CDC14B: variants seen among roughly 807,000 people sequenced by gnomAD.
The protein encoded by CDC14B is cell division cycle 14B, also known as dual specificity protein phosphatase CDC14B.
A neutral mutation model predicts 64.2 loss-of-function variants in CDC14B; 22 were observed. The ratio of observed to expected loss-of-function variants is 0.34; its 90% CI spans 0.24 to 0.49. CDC14B has a LOEUF of 0.49. Ranked by LOEUF, CDC14B falls within the 20% of genes least tolerant of loss-of-function variation. The pLI, the probability that CDC14B is intolerant of heterozygous loss-of-function variation, is 0.99. For synonymous variants in CDC14B, 191 were observed against 215.8 expected, an observed-to-expected ratio of 0.89 and a Z score of 1.01; for missense variants, 498 against 629.9, an observed-to-expected ratio of 0.79 and a Z score of 2.24.
chr9:96,503,944 A>G (rs1833783904), intron 13 of CDC14B, among the ~76,000 whole-genome samples, 155 bp from the exon 14 acceptor site: 2 of 152,226 alleles, frequency 1.3e-5, no homozygotes, highest in African/African-American at 4.8e-5. Flanking sequence ...TGGAGAAGAC[A>G]ACACAATATC....
intron 12 of CDC14B, among the ~76,000 whole-genome samples, chr9:96,521,801 A>G (rs997948426): frequency 6.6e-6 from 1 of 152,246 alleles, no homozygotes; most frequent in Non-Finnish European, 1.5e-5. Flanking sequence ...GGAAGTAACT[A>G]GAAGGAAGAA....
chr9:96,551,759 T>A (rs1587933084), intron 5 of CDC14B, 37 bp downstream of exon 5: 1 of 1,595,052 alleles, frequency 6.3e-7, no homozygotes, highest in East Asian at 2.2e-5. Flanking sequence ...GGCAAGGATC[T>A]GATTACCTGA....
intron 1 of CDC14B, among the ~76,000 whole-genome samples, chr9:96,568,025 T>C (rs966935341): frequency 6.6e-6 from 1 of 152,162 alleles, no homozygotes; most frequent in Admixed American, 6.5e-5. Flanking sequence ...GTGAAAAAAA[T>C]TGAAATCCCA....
chr9:96,584,537 A>G (rs1199855686), intron 1 of CDC14B, among the ~76,000 whole-genome samples: 2 of 152,172 alleles, frequency 1.3e-5, no homozygotes, highest in Non-Finnish European at 2.9e-5. Flanking sequence ...TAAGCCAAGA[A>G]CTCTGATAGG....
At chr9:96,527,271 C>T (rs1400480303) in intron 9 of CDC14B, among the ~76,000 whole-genome samples, 3 of 152,026 alleles carry the variant, frequency 2.0e-5, no homozygotes, top group East Asian at 3.9e-4. Context: ...CGGTGGCGGG[C>T]GCCTGTAGTC....
chr9:96,498,541 A>C (rs1342151311), downstream of CDC14B, among the ~76,000 whole-genome samples: 1 of 152,236 alleles, frequency 6.6e-6, no homozygotes, highest in African/African-American at 2.4e-5. Flanking sequence ...ACTTCAAGGC[A>C]AAATAGTTTA....
rs187623129 is a variant in CDC14B, at chr9:96,611,566, T to C, written c.160+7653A>G. 5.5e-3 allele frequency among the ~76,000 whole-genome samples: 840 copies of C among 152,312 alleles called. 6 individuals carry two copies. Among genetic ancestry groups the C allele is most frequent in the South Asian group, 8.7e-3 (42 of 4,830 alleles). On this transcript the variant is annotated intron_variant, in intron 1 of 13. Coordinates refer to ENST00000375241, the MANE Select transcript of CDC14B (RefSeq NM_033331.4). ...TTATACAAATATTCAGTAGCTAAGA[T>C]GGGAAGGAAAACAAAAAATACTGGC...
At chr9:96,520,609 CCT>C (rs1233192640) in intron 12 of CDC14B, among the ~76,000 whole-genome samples, 1 of 152,160 alleles carries the variant, frequency 6.6e-6, no homozygotes, top group Non-Finnish European at 1.5e-5. Flanking sequence ...ATTTGTATCC[CCT>C]GACTCTCAAC....
intron 1 of CDC14B, among the ~76,000 whole-genome samples, chr9:96,603,821 G>A (rs1441918654): frequency 6.6e-6 from 1 of 152,132 alleles, no homozygotes; most frequent in Non-Finnish European, 1.5e-5. Context: ...AAAAGGTACC[G>A]ATAGTAAACA....
chr9:96,560,582 CTCTTT>C (rs1843017171), intron 4 of CDC14B, among the ~76,000 whole-genome samples: 2 of 127,690 alleles, frequency 1.6e-5, no homozygotes, highest in Admixed American at 7.9e-5. Flanking sequence ...TTTTCTCTTT[CTCTTT>C]TTTTTTTTTT....
intron 1 of CDC14B, among the ~76,000 whole-genome samples, chr9:96,584,003 C>A (rs1371086377): frequency 6.6e-6 from 1 of 152,158 alleles, no homozygotes; most frequent in Non-Finnish European, 1.5e-5. Flanking sequence ...CAGGCATGAG[C>A]CACCGCGCCT....
Position 96,539,097 on chromosome 9 carries a change from T to C in CDC14B, c.608A>G (p.Asp203Gly). Reference sequence around the variant, plus strand: ...ACTTACTTCATAGTGTTCATATTCATCAAGGTTAAATGAGTTGAAATTAAG... The same window carrying C: ...ACTTACTTCATAGTGTTCATATTCACCAAGGTTAAATGAGTTGAAATTAAG... Reference protein sequence around the residue: ...GFLNFNSFNLDEYEHYEKAEN... With the variant: ...GFLNFNSFNLGEYEHYEKAEN... The change falls in exon 7 of 14, where the codon GAT becomes GGT. Residue 203 changes from aspartate to glycine, a missense_variant. By Grantham distance (94) the Asp-to-Gly change is moderately conservative (BLOSUM62 -1). Coordinates refer to ENST00000375241, the MANE Select transcript of CDC14B (RefSeq NM_033331.4). 6.2e-7 allele frequency: 1 copy of C among 1,609,428 alleles called. No homozygotes were observed. The highest frequency in any genetic ancestry group is 8.5e-7 in the Non-Finnish European group (1 of 1,175,910).
intron 4 of CDC14B, among the ~76,000 whole-genome samples, chr9:96,560,215 T>C (rs983634652): frequency 6.6e-5 from 10 of 152,186 alleles, no homozygotes; most frequent in Non-Finnish European, 1.5e-4. Context: ...GAGACAGCAA[T>C]TGACCCGGAA....
chr9:96,539,948 C>T (rs1193189211), intron 6 of CDC14B, among the ~76,000 whole-genome samples: 2 of 152,096 alleles, frequency 1.3e-5, no homozygotes, highest in East Asian at 1.9e-4. Context: ...AAAGAGGGGG[C>T]TTTTGTACAC....
chr9:96,610,692 C>G (rs1334273219), intron 1 of CDC14B, among the ~76,000 whole-genome samples: 1 of 150,176 alleles, frequency 6.7e-6, no homozygotes. Flanking sequence ...TATAACAACT[C>G]ATTGTGAGTA....
At chr9:96,499,295 TG>T (rs757680221), downstream of CDC14B, among the ~76,000 whole-genome samples, 1 of 152,164 alleles carries the variant, frequency 6.6e-6, no homozygotes, top group Non-Finnish European at 1.5e-5. Context: ...TTGGGGGAAC[TG>T]GGTAGAACTC....
chr9:96,552,873 G>C (rs189058358), intron 4 of CDC14B, among the ~76,000 whole-genome samples: 1 of 151,952 alleles, frequency 6.6e-6, no homozygotes, highest in Admixed American at 6.6e-5. Context: ...ACTAAAATTA[G>C]GTTGAACTCC....
downstream of CDC14B, among the ~76,000 whole-genome samples, chr9:96,495,391 G>GCCCCCC (rs71499002): frequency 1.4e-5 from 2 of 140,084 alleles, no homozygotes; most frequent in Non-Finnish European, 3.1e-5. Context: ...CATGTGTGCT[G>GCCCCCC]CCCCCCCCCG....
chr9:96,536,405 T>C (rs1157687127), intron 7 of CDC14B, among the ~76,000 whole-genome samples: 3 of 152,240 alleles, frequency 2.0e-5, no homozygotes, highest in Non-Finnish European at 4.4e-5. Context: ...ATAGACAAAG[T>C]AACTTGTTTC....
Sources: gnomAD v4.1 joint callset for allele counts (sites outside exome capture counted in the v4.1 genomes callset) on GRCh38, gnomAD v4.1.1 for gene constraint, MANE v1.5 for transcripts, NCBI Gene and HGNC (gene_info 2026-07-23, HGNC 2026-07-21) for gene names.